The following SPOP variants were observed in gnomAD, a reference collection of about 807,000 sequenced individuals.
The protein encoded by SPOP is speckle type BTB/POZ protein, also known as speckle-type POZ protein.
In SPOP, 11 loss-of-function variants were observed where a neutral mutation model predicts 45.6. The observed-to-expected ratio is 0.24, with a 90% CI of 0.15 to 0.40. The LOEUF (loss-of-function observed/expected upper bound fraction) is 0.40. Among genes scored for constraint, SPOP ranks in the 10% least tolerant of loss-of-function variants. The probability of loss-of-function intolerance (pLI) is 1.00; values close to 1 mark genes in which losing one functional copy is unlikely to be tolerated. For missense variants in SPOP, 152 were observed against 465.6 expected (o/e 0.33, Z 6.20); for synonymous variants, 166 against 166.3 (o/e 1.00, Z 0.01).
chr17:49,660,694 G>A (rs1438828848), intron 1 of SPOP, among the ~76,000 whole-genome samples: 1 of 152,180 alleles, frequency 6.6e-6, no homozygotes, highest in Non-Finnish European at 1.5e-5. Flanking sequence ...GCCAGGCGCA[G>A]TGGCTCACGC....
chr17:49,653,478 A>G (rs1199636997), intron 1 of SPOP, among the ~76,000 whole-genome samples: 1 of 152,152 alleles, frequency 6.6e-6, no homozygotes, highest in Non-Finnish European at 1.5e-5. Context: ...ATGGTTGCAG[A>G]GAATTCCACT....
chr17:49,645,309 T>G (rs2072735256), intron 1 of SPOP, among the ~76,000 whole-genome samples: 1 of 151,930 alleles, frequency 6.6e-6, no homozygotes, highest in African/African-American at 2.4e-5. Flanking sequence ...TTTCCTTCTT[T>G]TTTTTTTTGA....
chr17:49,625,253 G>A (rs916173615), intron 1 of SPOP, among the ~76,000 whole-genome samples: 1 of 152,142 alleles, frequency 6.6e-6, no homozygotes, highest in Non-Finnish European at 1.5e-5. Flanking sequence ...TCTTTAGTAG[G>A]GGAATAGATA....
At chr17:49,641,263 CAAAAAAAAAA>C (rs34207707) in intron 1 of SPOP, among the ~76,000 whole-genome samples, 4 of 47,548 alleles carry the variant, frequency 8.4e-5, no homozygotes, top group Non-Finnish European at 1.1e-4. Flanking sequence ...ACTCTGTCTC[CAAAAAAAAAA>C]AAAAAAAAAA....
In SPOP at chr17:49,600,623, G is replaced by T; in HGVS notation, c.981-101C>A. ...AATTTTCCACTGTTAGGTATAAAGG[G>T]TGTCAATGCAAGAAACAGAAGAACC... On this transcript the variant is annotated intron_variant, in intron 9 of 9. Transcript: ENST00000504102. The surrounding 1 kb of genome is among the most constrained non-coding windows in gnomAD (Gnocchi z 4.2). 1.5e-6 allele frequency: 2 copies of T among 1,322,260 alleles called. No homozygotes were observed. The highest frequency in any genetic ancestry group is 1.3e-5 in the South Asian group (1 of 79,062). The allele number at this position is 1,322,260 out of a possible 1,614,324, so 81.9% of individuals were successfully genotyped here.
intron 6 of SPOP, among the ~76,000 whole-genome samples, chr17:49,609,474 A>G (rs1470411953): frequency 6.6e-6 from 1 of 152,136 alleles, no homozygotes; most frequent in African/African-American, 2.4e-5. Context: ...AATAAATGAA[A>G]TCACTCAGGG....
intron 1 of SPOP, among the ~76,000 whole-genome samples, chr17:49,659,437 C>A (rs1363881534): frequency 6.6e-6 from 1 of 152,174 alleles, no homozygotes; most frequent in African/African-American, 2.4e-5. Context: ...CTTTATATCT[C>A]AAAGTTATCT....
intron 5 of SPOP, among the ~76,000 whole-genome samples, chr17:49,611,812 G>A (rs1343627154): frequency 6.6e-6 from 1 of 151,598 alleles, no homozygotes; most frequent in African/African-American, 2.4e-5. Flanking sequence ...ACCTTATTCT[G>A]CCTTAAGTTC....
chr17:49,667,859 A>C (rs1032768903), intron 1 of SPOP, among the ~76,000 whole-genome samples: 4 of 152,238 alleles, frequency 2.6e-5, no homozygotes, highest in African/African-American at 9.6e-5. Flanking sequence ...GTGTCTATCA[A>C]CAGATAAAGG....
chr17:49,641,926 T>A (rs2072660402), intron 1 of SPOP, among the ~76,000 whole-genome samples: 1 of 151,868 alleles, frequency 6.6e-6, no homozygotes, highest in Admixed American at 6.6e-5. Flanking sequence ...GTCAAGAAGC[T>A]GAGGCAGGAG....
intron 1 of SPOP, among the ~76,000 whole-genome samples, chr17:49,638,032 G>A (rs1383066677): frequency 1.3e-5 from 2 of 152,162 alleles, no homozygotes; most frequent in Non-Finnish European, 2.9e-5. Context: ...ATAAATAACT[G>A]TGACAATGAG....
intron 1 of SPOP, among the ~76,000 whole-genome samples, chr17:49,661,526 T>C (rs1597978483): frequency 1.3e-5 from 2 of 152,266 alleles, no homozygotes; most frequent in Admixed American, 1.3e-4. Context: ...AAGACAGTCC[T>C]GAATCTCACC....
At chr17:49,622,908 T>A (rs2072248147) in intron 1 of SPOP, 32 bp from the exon 2 acceptor site, 1 of 979,538 alleles carries the variant, frequency 1.0e-6, no homozygotes, top group East Asian at 2.4e-5. Flanking sequence ...GAAAACTTTA[T>A]TAGATTATTA....
chr17:49,645,271 A>G (rs563282750), intron 1 of SPOP, among the ~76,000 whole-genome samples: 1 of 152,202 alleles, frequency 6.6e-6, no homozygotes, highest in East Asian at 1.9e-4. Flanking sequence ...GACTTCATAA[A>G]TGTCAATAAG....
rs1483947116 is a variant in SPOP, at chr17:49,599,497, GT to G, written c.*880del. 5.6e-6 allele frequency: 1 copy of G among 179,458 alleles called. No homozygotes were observed. Among genetic ancestry groups the G allele is most frequent in the African/African-American group, 2.9e-5 (1 of 34,476 alleles). The allele number at this position is 179,458 out of a possible 1,614,324, so 11.1% of individuals were successfully genotyped here. A position where few individuals can be genotyped will look rare whatever the true frequency, so the allele number is the denominator to read the frequency against. ...TTCTCTCTTCTTTTGTTCTGTTTTT[GT>G]TTTGTGTGTTTTTTTTTTTGTTTGT... On this transcript the variant is annotated 3_prime_UTR_variant, in exon 10 of 10. Transcript: ENST00000504102.
chr17:49,649,608 A>G (rs140829209), intron 1 of SPOP, among the ~76,000 whole-genome samples: 35 of 152,024 alleles, frequency 2.3e-4, no homozygotes, highest in South Asian at 8.3e-4. Flanking sequence ...CGAGGCGGGC[A>G]GATCAAGAGG....
chr17:49,676,890 G>C (rs1240758202), intron 1 of SPOP, among the ~76,000 whole-genome samples: 1 of 152,170 alleles, frequency 6.6e-6, no homozygotes, highest in African/African-American at 2.4e-5. Flanking sequence ...CAACGTGAAA[G>C]AAACATCACA....
At chr17:49,633,184 T>A (rs1175649418) in intron 1 of SPOP, among the ~76,000 whole-genome samples, 1 of 152,180 alleles carries the variant, frequency 6.6e-6, no homozygotes, top group Non-Finnish European at 1.5e-5. Context: ...ATTGTGAGGA[T>A]TAGATATGCA....
chr17:49,642,736 T>C (rs12451482), intron 1 of SPOP, among the ~76,000 whole-genome samples: 62,447 of 152,124 alleles, frequency 0.41, 13,326 homozygotes, highest in South Asian at 0.51. Context: ...GATAGGAACA[T>C]TTCTCTGTAG....
Sources: allele counts gnomAD v4.1 joint callset (sites outside exome capture counted in the v4.1 genomes callset), GRCh38; gene constraint gnomAD v4.1.1; non-coding constraint Gnocchi (gnomAD v3.1); transcripts MANE v1.5; gene names NCBI Gene and HGNC (gene_info 2026-07-23, HGNC 2026-07-21).